The following DMD variants were observed in gnomAD, a reference collection of about 807,000 sequenced individuals.
DMD encodes dystrophin.
DMD carries 63 observed loss-of-function variants against 330.1 expected under a neutral mutation model. The observed-to-expected ratio is 0.19, with a 90% CI of 0.16 to 0.24. DMD has a LOEUF of 0.24. DMD is among the 10% of genes least tolerant of loss of function. DMD has a pLI of 1.00. For synonymous variants in DMD, 1,223 were observed against 959.8 expected (o/e 1.27, Z -5.07); for missense variants, 3,344 against 2,684.1 (o/e 1.25, Z -5.43).
intron 7 of DMD, among the ~76,000 whole-genome samples, chrX:32,735,053 G>C (rs1363319961): frequency 1.9e-4 from 21 of 110,911 alleles, no homozygotes; most frequent in African/African-American, 5.9e-4. Context: ...AGCTGATAGG[G>C]AACTTCAGCA....
chrX:31,722,820 T>C (rs962703731), intron 52 of DMD, among the ~76,000 whole-genome samples: 1 of 109,588 alleles, frequency 9.1e-6, no homozygotes, highest in Non-Finnish European at 1.9e-5. Context: ...CCGAGGCGGG[T>C]GGATCACCTG....
intron 57 of DMD, among the ~76,000 whole-genome samples, chrX:31,484,319 G>C (rs760040273): frequency 9.0e-6 from 1 of 111,625 alleles, no homozygotes; most frequent in Non-Finnish European, 1.9e-5. Context: ...GATAGAAAAG[G>C]TATCAGATAT....
At chrX:31,697,404 C>T (rs761203628) in intron 52 of DMD, among the ~76,000 whole-genome samples, 23 of 110,824 alleles carry the variant, frequency 2.1e-4, no homozygotes, top group African/African-American at 5.9e-4. Flanking sequence ...GAAAGCTTCT[C>T]GACTAATTTG....
intron 12 of DMD, among the ~76,000 whole-genome samples, chrX:32,606,464 G>A (rs754942026): frequency 9.1e-6 from 1 of 109,919 alleles, no homozygotes. Context: ...TGGTGGGAAT[G>A]TAAGTTAATA....
At chrX:32,413,231 T>A (rs768329438) in intron 29 of DMD, among the ~76,000 whole-genome samples, 17 of 110,811 alleles carry the variant, frequency 1.5e-4, no homozygotes, top group African/African-American at 5.2e-4. Flanking sequence ...ATTGGACATC[T>A]CCTCATGAAT....
At chrX:32,842,287 G>T (rs2080229575) in intron 4 of DMD, among the ~76,000 whole-genome samples, 1 of 112,391 alleles carries the variant, frequency 8.9e-6, no homozygotes, top group African/African-American at 3.2e-5. Flanking sequence ...CCCCAAAGGG[G>T]ACTTCTCAGG....
At chrX:31,413,864 TAA>T (rs878936713) in intron 60 of DMD, among the ~76,000 whole-genome samples, 25 of 60,614 alleles carry the variant, frequency 4.1e-4, no homozygotes, top group Admixed American at 9.2e-4. Context: ...GTTGGCAAAG[TAA>T]AAAAAAAAAA....
intron 9 of DMD, among the ~76,000 whole-genome samples, chrX:32,668,829 C>G (rs1305238416): frequency 2.7e-5 from 3 of 109,814 alleles, no homozygotes; most frequent in Non-Finnish European, 5.7e-5. Flanking sequence ...GGAATCAATA[C>G]TAATAATAAT....
chrX:32,200,282 A>G (rs1470123035), intron 44 of DMD, among the ~76,000 whole-genome samples: 2 of 111,932 alleles, frequency 1.8e-5, no homozygotes, highest in Non-Finnish European at 3.8e-5. Context: ...CAAAAGTCTC[A>G]AAGTTTACTA....
intron 1 of DMD, among the ~76,000 whole-genome samples, chrX:33,021,192 G>T (rs771516104): frequency 3.5e-4 from 39 of 110,612 alleles, no homozygotes; most frequent in Non-Finnish European, 5.7e-4. Flanking sequence ...AAAGAAAAAA[G>T]TCCCCAAAGA....
At chrX:31,815,876 C>G (rs1167093312) in intron 50 of DMD, among the ~76,000 whole-genome samples, 1 of 111,791 alleles carries the variant, frequency 8.9e-6, no homozygotes, top group African/African-American at 3.3e-5. Context: ...TCTTGGAAAA[C>G]TGCCCTGAGA....
At chrX:32,201,185 C>G (rs769816646) in intron 44 of DMD, among the ~76,000 whole-genome samples, 1 of 111,436 alleles carries the variant, frequency 9.0e-6, no homozygotes, top group East Asian at 2.8e-4. Flanking sequence ...ATAAATTTGG[C>G]GCAGTTAAGA....
intron 15 of DMD, among the ~76,000 whole-genome samples, chrX:32,566,741 C>T (rs763011867): frequency 9.0e-6 from 1 of 111,720 alleles, no homozygotes; most frequent in Admixed American, 9.5e-5. Context: ...TAAATCAGGG[C>T]AGTTTTTCTT....
chrX:32,014,427 C>A (rs1256657822), intron 44 of DMD, among the ~76,000 whole-genome samples: 1 of 110,966 alleles, frequency 9.0e-6, no homozygotes, highest in East Asian at 2.8e-4. Flanking sequence ...GGAAATTGAC[C>A]CCTTGGGCCT....
chrX:32,120,543 G>T (rs933309291), intron 44 of DMD, among the ~76,000 whole-genome samples: 1 of 112,234 alleles, frequency 8.9e-6, no homozygotes, highest in African/African-American at 3.2e-5. Flanking sequence ...TTATCAAGCT[G>T]CCCAGATGAT....
intron 9 of DMD, among the ~76,000 whole-genome samples, chrX:32,668,474 T>G: frequency 8.9e-6 from 1 of 112,139 alleles, no homozygotes; most frequent in Non-Finnish European, 1.9e-5. Context: ...CAGGGCTTGT[T>G]TCTCAAGTTG....
chrX:31,737,452 C>T (rs2086957315), intron 51 of DMD, among the ~76,000 whole-genome samples: 1 of 112,660 alleles, frequency 8.9e-6, no homozygotes, highest in African/African-American at 3.2e-5. Flanking sequence ...GCCTGAAAGG[C>T]TAAGGGGAGG....
At chrX:31,951,159 G>GTATGTATA (rs1557025629) in intron 45 of DMD, among the ~76,000 whole-genome samples, 748 of 71,674 alleles carry the variant, frequency 0.01, 20 homozygotes, top group African/African-American at 0.036. Context: ...ATATATATAT[G>GTATGTATA]TATATATATA....
At chrX:32,233,605 T>G (rs898594645) in intron 43 of DMD, among the ~76,000 whole-genome samples, 1 of 78,201 alleles carries the variant, frequency 1.3e-5, no homozygotes, top group Non-Finnish European at 2.6e-5. Context: ...TTTCTTTTAT[T>G]TATTTATTTA....
Sources: gnomAD v4.1 joint callset for allele counts (sites outside exome capture counted in the v4.1 genomes callset) on GRCh38, gnomAD v4.1.1 for gene constraint, MANE v1.5 for transcripts, NCBI Gene and HGNC (gene_info 2026-07-23, HGNC 2026-07-21) for gene names.